The following TEAD2 variants were observed in gnomAD, a reference collection of about 807,000 sequenced individuals.
The protein encoded by TEAD2 is transcriptional enhancer factor TEF-4.
TEAD2 carries 51 observed loss-of-function variants against 61.4 expected under a neutral mutation model. The observed-to-expected ratio is 0.83, with a 90% CI of 0.66 to 1.05. TEAD2 has a LOEUF of 1.05. Among genes scored for constraint, TEAD2 ranks in the 50% least tolerant of loss-of-function variants. The probability of loss-of-function intolerance (pLI) is 0.00; values close to 1 mark genes in which losing one functional copy is unlikely to be tolerated. For synonymous variants in TEAD2, 244 were observed against 243.2 expected (o/e 1.00, Z -0.03); for missense variants, 509 against 600.0 (o/e 0.85, Z 1.58).
chr19:49,355,492 G>A (rs902755289), intron 5 of TEAD2, 73 bp from the exon 6 acceptor site: 25 of 1,322,022 alleles, frequency 1.9e-5, no homozygotes, highest in Non-Finnish European at 2.4e-5. Context: ...TGGTGCCAGG[G>A]TGGGGTGAAG....
intron 6 of TEAD2, 35 bp from the exon 7 acceptor site, chr19:49,355,241 C>A: frequency 2.5e-6 from 4 of 1,613,762 alleles, no homozygotes; most frequent in Non-Finnish European, 3.4e-6. Context: ...GTTGGTCAGT[C>A]CCCTGTGGAC....
In TEAD2 at chr19:49,359,668, C is replaced by T. The variant is rs3745305; in HGVS notation, c.233-169G>A. Among the ~76,000 whole-genome samples the T allele has an allele frequency of 7.7e-3, 1,165 of 152,260 alleles. 40 individuals are homozygous for T. In the East Asian group the frequency reaches 0.08, roughly 11 times the overall value. On this transcript the variant is annotated intron_variant, in intron 2 of 12. Coordinates refer to ENST00000593945, the MANE Select transcript of TEAD2 (RefSeq NM_001256660.2). The surrounding 1 kb of genome is among the most constrained non-coding windows in gnomAD (Gnocchi z 4.1). ...CAGACTGCTTGGGTTCAAATCCCAG[C>T]TCCATCACGCACTGGCTCTGTGCGA...
At chr19:49,353,956 T>TG (rs1555784492) in intron 7 of TEAD2, among the ~76,000 whole-genome samples, 1 of 129,358 alleles carries the variant, frequency 7.7e-6, no homozygotes, top group Non-Finnish European at 1.6e-5. Context: ...AATTGTTTTT[T>TG]GTTTTTTTTT....
chr19:49,347,252 C>G lies in TEAD2; in HGVS notation c.859G>C (p.Gly287Arg). The G allele has an allele frequency of 6.2e-7, 1 of 1,614,152 alleles. No individual in the cohort carries two copies. Among genetic ancestry groups the G allele is most frequent in the Non-Finnish European group, 8.5e-7 (1 of 1,180,026 alleles). Reference sequence around the variant, plus strand: ...CGATCATATAGCTCTCGGAGGCCACCCTTTTTCTCAGGGAATTTGTCGTAG... The same window carrying G: ...CGATCATATAGCTCTCGGAGGCCACGCTTTTTCTCAGGGAATTTGTCGTAG... Reference protein sequence around the residue: ...QIYDKFPEKKGGLRELYDRGP... With the variant: ...QIYDKFPEKKRGLRELYDRGP... The change falls in exon 10 of 13, where the codon GGT becomes CGT. Residue 287 changes from glycine to arginine, a missense_variant. Coordinates refer to ENST00000593945, the MANE Select transcript of TEAD2 (RefSeq NM_001256660.2).
Position 49,343,332 on chromosome 19 carries a change from A to G in TEAD2, c.988T>C (p.Phe330Leu). The change falls in exon 11 of 13, where the codon TTC becomes CTC. Residue 330 changes from phenylalanine to leucine, a missense_variant. By Grantham distance (22) the Phe-to-Leu change is conservative. Coordinates refer to ENST00000593945, the MANE Select transcript of TEAD2 (RefSeq NM_001256660.2). The stretch of plus-strand genomic sequence containing the variant: ...TCATACTGGCTGCTCACTCCGTAGA[A>G]GCCACCACTGCTGATGCTGCCACCG... ...GAGGSISSGG[F>L]YGVSSQYESL... 1 of 1,613,916 alleles carries G rather than the reference A, an allele frequency of 6.2e-7. No homozygotes were observed.
At chr19:49,355,758 C>T (rs1249887673) in intron 5 of TEAD2, among the ~76,000 whole-genome samples, 2 of 151,982 alleles carry the variant, frequency 1.3e-5, no homozygotes, top group African/African-American at 4.8e-5. Flanking sequence ...ACCCAGGAGG[C>T]AGAGGTTGCA....
At chr19:49,354,100 C>T (rs541722264) in intron 7 of TEAD2, among the ~76,000 whole-genome samples, 156 of 151,520 alleles carry the variant, frequency 1.0e-3, no homozygotes, top group African/African-American at 3.7e-3. Flanking sequence ...ACTCGGCCCT[C>T]ACTACACTCT....
chr19:49,353,915 G>A (rs1487921871), intron 7 of TEAD2, among the ~76,000 whole-genome samples: 1 of 151,124 alleles, frequency 6.6e-6, no homozygotes, highest in Non-Finnish European at 1.5e-5. Flanking sequence ...TGAGTAGCTG[G>A]GACTACAGGT....
At position 49,350,516 on chromosome 19, in the gene TEAD2, TG is replaced by T. The variant is rs541466159; in HGVS notation, c.604+784del. ...AATTTTTGTATTTTTTAGTAGAGGT[TG>T]GGGGGGGTGGTTTCGCCATGTTGGC... On this transcript the variant is annotated intron_variant, in intron 8 of 12. Transcript: ENST00000593945. Among the ~76,000 whole-genome samples, 93 of 150,742 alleles carry T rather than the reference TG, an allele frequency of 6.2e-4. No homozygotes were observed. The Middle Eastern group carries it at 0.01, about 17-fold the overall frequency.
chr19:49,356,399 A>AC, intron 4 of TEAD2: 1 of 153,492 alleles, frequency 6.5e-6, no homozygotes, highest in Admixed American at 6.5e-5. Context: ...AAAAAAAAAA[A>AC]ACCAGAAGCG....
intron 8 of TEAD2, among the ~76,000 whole-genome samples, chr19:49,349,693 C>T (rs916434837): frequency 6.6e-6 from 1 of 152,164 alleles, no homozygotes; most frequent in Non-Finnish European, 1.5e-5. Context: ...CCACCATGGT[C>T]CTAAGCTTCC....
At chr19:49,344,735 C>T (rs1468662908) in intron 10 of TEAD2, among the ~76,000 whole-genome samples, 1 of 152,186 alleles carries the variant, frequency 6.6e-6, no homozygotes, top group Non-Finnish European at 1.5e-5. Flanking sequence ...TGGCTACTCC[C>T]TAGCAACGGG....
rs1568581541 is a variant in TEAD2 at position 49,359,520 on chromosome 19, C to T, written c.233-21G>A. Reference sequence around the variant, plus strand: ...CCGACCTGAAGATTCAAAGACGGAACAGAGTTAGTTAGACTTTCAACAGAA... The same window carrying T: ...CCGACCTGAAGATTCAAAGACGGAATAGAGTTAGTTAGACTTTCAACAGAA... On this transcript the variant is annotated intron_variant, in intron 2 of 12. Coordinates refer to ENST00000593945, the MANE Select transcript of TEAD2 (RefSeq NM_001256660.2). The surrounding 1 kb of genome is among the most constrained non-coding windows in gnomAD (Gnocchi z 4.1). The T allele has an allele frequency of 6.2e-7, 1 of 1,613,506 alleles. No individual in the cohort carries two copies. Among genetic ancestry groups the T allele is most frequent in the Non-Finnish European group, 8.5e-7 (1 of 1,179,550 alleles).
intron 9 of TEAD2, among the ~76,000 whole-genome samples, chr19:49,347,748 G>A (rs1056892942): frequency 1.3e-5 from 2 of 152,138 alleles, no homozygotes; most frequent in African/African-American, 4.8e-5. Context: ...CAGCCCCAGG[G>A]CAAAGCTCAC....
intron 3 of TEAD2, 46 bp from the exon 4 acceptor site, chr19:49,357,360 C>G: frequency 1.9e-6 from 3 of 1,588,198 alleles, no homozygotes; most frequent in Non-Finnish European, 2.6e-6. Context: ...AGCCACCGCC[C>G]CTGTGTTCAC....
rs188112503 is a variant in TEAD2 at position 49,347,292 on chromosome 19, C to A, written c.819G>T (p.Val273=). 1 of 1,613,984 alleles carries A rather than the reference C, an allele frequency of 6.2e-7. No homozygotes were observed. The highest frequency in any genetic ancestry group is 2.2e-5 in the East Asian group (1 of 44,890). Residue 273 remains valine (V), a synonymous_variant, in exon 10 of 13, where the codon GTG becomes GTT. Coordinates refer to ENST00000593945, the MANE Select transcript of TEAD2 (RefSeq NM_001256660.2). ...ATTTGTCGTAGATCTGCCGGACGTC[C>A]ACACTCTCGAGCGGCGGCGCTCCGG... ...PSPGAPPLES[V]DVRQIYDKFP...
rs1310097180 is a variant in TEAD2, at chr19:49,359,442, C to T, written c.290G>A (p.Arg97Gln). ...IKLRTGKTRT[R>Q]KQVSSHIQVL... Reference sequence around the variant, plus strand: ...ACAAGTCCATTCCGAGACCTGTTTTCGAGTTCGGGTCTTCCCCGTTCTCAG... The same window carrying T: ...ACAAGTCCATTCCGAGACCTGTTTTTGAGTTCGGGTCTTCCCCGTTCTCAG... Residue 97 changes from arginine (R) to glutamine (Q), a missense_variant, in exon 3 of 13, where the codon CGA becomes CAA. Coordinates refer to ENST00000593945, the MANE Select transcript of TEAD2 (RefSeq NM_001256660.2). The surrounding 1 kb of genome is among the most constrained non-coding windows in gnomAD (Gnocchi z 4.1). 1.1e-5 allele frequency: 17 copies of T among 1,614,048 alleles called. No individual in the cohort carries two copies. Among genetic ancestry groups the T allele is most frequent in the Non-Finnish European group, 1.4e-5 (17 of 1,179,988 alleles).
At chr19:49,355,865 G>T in intron 5 of TEAD2, 94 bp downstream of exon 5, 1 of 1,172,650 alleles carries the variant, frequency 8.5e-7, no homozygotes, top group Non-Finnish European at 1.1e-6. Flanking sequence ...GTTGGGGGAG[G>T]GTTGAACCTC....
In TEAD2 at chr19:49,348,797, G is replaced by A. The variant is rs201482323; in HGVS notation, c.653C>T (p.Ser218Leu). 264 of 1,602,600 alleles carry A rather than the reference G, an allele frequency of 1.6e-4. No individual in the cohort carries two copies. Among genetic ancestry groups the A allele is most frequent in the Non-Finnish European group, 2.1e-4 (241 of 1,174,446 alleles). ...GCCCCGAGCCTGCCAGGCTGGGGGC[G>A]ATGGGGTAGGTGGGGGCAGGGGTGA... ...ALSPLPPPTPSPPAWQARGLG... is the reference protein window; with the variant it reads ...ALSPLPPPTPLPPAWQARGLG... The change falls in exon 9 of 13, where the codon TCG becomes TTG. Residue 218 changes from serine (S) to leucine (L), a missense_variant. Coordinates refer to ENST00000593945, the MANE Select transcript of TEAD2 (RefSeq NM_001256660.2).
Sources: allele counts gnomAD v4.1 joint callset (sites outside exome capture counted in the v4.1 genomes callset), GRCh38; gene constraint gnomAD v4.1.1; non-coding constraint Gnocchi (gnomAD v3.1); transcripts MANE v1.5; gene names NCBI Gene and HGNC (gene_info 2026-07-23, HGNC 2026-07-21).